The following ATP9B variants were observed in gnomAD, a reference collection of about 807,000 sequenced individuals.
The protein encoded by ATP9B is probable phospholipid-transporting ATPase IIB.
A neutral mutation model predicts 146.1 loss-of-function variants in ATP9B; 110 were observed. The ratio of observed to expected loss-of-function variants is 0.75; its 90% CI spans 0.65 to 0.88. The LOEUF (loss-of-function observed/expected upper bound fraction) is 0.88, where lower values mean the gene tolerates loss of function less well. Among genes scored for constraint, ATP9B ranks in the 40% least tolerant of loss-of-function variants. The pLI is 0.00. For missense variants in ATP9B, 1,499 were observed against 1,496.4 expected (o/e 1.00, Z -0.03); for synonymous variants, 604 against 569.7 (o/e 1.06, Z -0.86).
intron 7 of ATP9B, among the ~76,000 whole-genome samples, chr18:79,156,875 G>A (rs1408161934): frequency 2.0e-5 from 3 of 152,260 alleles, no homozygotes; most frequent in Admixed American, 6.5e-5. Flanking sequence ...ATCTCATAGT[G>A]CATTGCTTCA....
chr18:79,166,512 C>A (rs915335651), intron 7 of ATP9B, among the ~76,000 whole-genome samples: 4 of 152,178 alleles, frequency 2.6e-5, no homozygotes, highest in Non-Finnish European at 5.9e-5. Context: ...CACAGGCCTC[C>A]CTGTCAGCCT....
intron 1 of ATP9B, among the ~76,000 whole-genome samples, chr18:79,071,526 C>T (rs2146355478): frequency 6.6e-6 from 1 of 151,170 alleles, no homozygotes; most frequent in African/African-American, 2.4e-5. Flanking sequence ...GGACTATAGG[C>T]ACATACCACC....
intron 15 of ATP9B, among the ~76,000 whole-genome samples, chr18:79,320,561 A>T (rs747057172): frequency 3.3e-5 from 5 of 152,236 alleles, no homozygotes; most frequent in Non-Finnish European, 7.3e-5. Flanking sequence ...GTCAGTCTCC[A>T]TAACTGTGTC....
intron 13 of ATP9B, among the ~76,000 whole-genome samples, chr18:79,284,619 T>G (rs183072159): frequency 6.6e-6 from 1 of 152,178 alleles, no homozygotes; most frequent in African/African-American, 2.4e-5. Context: ...TCATTTTTTT[T>G]AATTTTTTTA....
At position 79,086,011 on chromosome 18, in the gene ATP9B, T is replaced by G. The variant is rs551674439; in HGVS notation, c.120-10465T>G. ...AATGAAACTTATTTTGCTGTGATGT[T>G]TCACAATTGAAAAGCCTTTTTTTTT... On this transcript the variant is annotated intron_variant, in intron 1 of 29. Transcript: ENST00000426216. 8.7e-5 allele frequency: 13 copies of G among 150,092 alleles called. No homozygotes were observed. The East Asian group carries it at 2.0e-3, about 24-fold the overall frequency. 9.3% of individuals were successfully genotyped at this position (150,092 alleles called of 1,614,324 possible).
chr18:79,300,143 G>A (rs1054297315), intron 13 of ATP9B, among the ~76,000 whole-genome samples: 1 of 152,222 alleles, frequency 6.6e-6, no homozygotes, highest in South Asian at 2.1e-4. Flanking sequence ...GTCAGGACGC[G>A]TGGTAAGAGG....
chr18:79,356,365 G>T (rs2096953181), intron 25 of ATP9B, among the ~76,000 whole-genome samples: 1 of 152,020 alleles, frequency 6.6e-6, no homozygotes, highest in African/African-American at 2.4e-5. Context: ...ACGCTCCTGG[G>T]CGTTTATACC....
chr18:79,101,383 AG>A (rs1437833786), intron 2 of ATP9B, among the ~76,000 whole-genome samples: 1 of 151,932 alleles, frequency 6.6e-6, no homozygotes, highest in Non-Finnish European at 1.5e-5. Flanking sequence ...TTGTTTTTTG[AG>A]GTTGGCCTAT....
At chr18:79,153,037 A>T (rs2094715853) in intron 6 of ATP9B, among the ~76,000 whole-genome samples, 2 of 152,086 alleles carry the variant, frequency 1.3e-5, no homozygotes. Context: ...CACATCTTTT[A>T]TTGGTTTCAT....
chr18:79,346,050 C>T (rs571583680), intron 23 of ATP9B, among the ~76,000 whole-genome samples: 8 of 152,046 alleles, frequency 5.3e-5, no homozygotes, highest in African/African-American at 9.6e-5. Flanking sequence ...ACTCGGTACA[C>T]GCTCGGTCGG....
chr18:79,169,907 T>C (rs1159461507), intron 7 of ATP9B, among the ~76,000 whole-genome samples: 5 of 152,208 alleles, frequency 3.3e-5, no homozygotes, highest in African/African-American at 1.2e-4. Context: ...ATTTTTTCAT[T>C]TTAACAGTAA....
chr18:79,126,985 A>G (rs2094298055), intron 5 of ATP9B, among the ~76,000 whole-genome samples: 1 of 152,244 alleles, frequency 6.6e-6, no homozygotes, highest in African/African-American at 2.4e-5. Context: ...ACAAGTAGGC[A>G]TAAGATAGTA....
chr18:79,311,516 A>C (rs928943687), intron 15 of ATP9B, among the ~76,000 whole-genome samples: 28 of 152,342 alleles, frequency 1.8e-4, no homozygotes, highest in Admixed American at 1.6e-3. Context: ...GCTAGACTTC[A>C]AGGAAAACAA....
chr18:79,307,069 T>A lies in ATP9B; in HGVS notation c.1608T>A (p.Ser536Arg). The A allele has an allele frequency of 6.2e-7, 1 of 1,614,206 alleles. No homozygotes were observed. The highest frequency in any genetic ancestry group is 8.5e-7 in the Non-Finnish European group (1 of 1,180,036). ...CTTCAGCTCCCAAAGTTAGGAAAAG[T>A]GTCAGTAGTCGAATCCATGAAGCCG... ...AQSSAPKVRK[S>R]VSSRIHEAVK... is the part of the protein sequence containing the mutation. Residue 536 changes from serine (S) to arginine (R), a missense_variant, in exon 15 of 30, where the codon AGT (serine) becomes AGA (arginine). Ser to Arg is a moderately radical substitution (Grantham distance 110, BLOSUM62 -1). Coordinates refer to ENST00000426216, the MANE Select transcript of ATP9B (RefSeq NM_198531.5).
At chr18:79,233,997 GAGGAGGAGGA>G (rs1178023430) in intron 11 of ATP9B, among the ~76,000 whole-genome samples, 3 of 152,174 alleles carry the variant, frequency 2.0e-5, no homozygotes, top group African/African-American at 7.2e-5. Context: ...GTAGGCTGAG[GAGGAGGAGGA>G]AGGAGGATTG....
chr18:79,076,830 T>C lies in ATP9B; in HGVS notation c.119+7301T>C, dbSNP rs1400547010. On this transcript the variant is annotated intron_variant, in intron 1 of 29. Coordinates refer to ENST00000426216, the MANE Select transcript of ATP9B (RefSeq NM_198531.5). ...GGGTCCTGAGTTTCTGCTCATTTTT[T>C]CTAAGTCCATTTCCTGTTCATATTG... Among the ~76,000 whole-genome samples, 9 of 152,332 alleles carry C rather than the reference T, an allele frequency of 5.9e-5. No homozygotes were observed. The East Asian group carries it at 1.7e-3, about 29-fold the overall frequency.
chr18:79,359,418 G>A lies in ATP9B; in HGVS notation c.2968G>A (p.Glu990Lys). 6.2e-7 allele frequency: 1 copy of A among 1,614,056 alleles called. No individual in the cohort carries two copies. The highest frequency in any genetic ancestry group is 1.1e-5 in the South Asian group (1 of 91,082). The change falls in exon 26 of 30, where the codon GAG (glutamate) becomes AAG (lysine). Residue 990 changes from glutamate to lysine, a missense_variant. By Grantham distance (56) the Glu-to-Lys change is moderately conservative. Coordinates refer to ENST00000426216, the MANE Select transcript of ATP9B (RefSeq NM_198531.5). ...SLVLDQDVKPEMAMLYPELYK... is the reference protein window; with the variant it reads ...SLVLDQDVKPKMAMLYPELYK... ...AGTGCTGGACCAGGACGTGAAGCCA[G>A]AGATGGCGATGCTCTACCCGGAGCT...
chr18:79,125,100 G>C lies in ATP9B; in HGVS notation c.559-1167G>C, dbSNP rs542441036. Reference sequence around the variant, plus strand: ...ACTTGAGAATAGTTTTAGTCAAGTGGTGGAAGGAAATTGTGGCAAGTGGAG... The same window carrying C: ...ACTTGAGAATAGTTTTAGTCAAGTGCTGGAAGGAAATTGTGGCAAGTGGAG... On this transcript the variant is annotated intron_variant, in intron 4 of 29. Transcript: ENST00000426216. Among the ~76,000 whole-genome samples the C allele has an allele frequency of 5.3e-5, 8 of 152,346 alleles. No individual in the cohort carries two copies. The South Asian group carries it at 1.5e-3, about 28-fold the overall frequency.
At chr18:79,074,806 T>C (rs1017150536) in intron 1 of ATP9B, among the ~76,000 whole-genome samples, 1 of 152,186 alleles carries the variant, frequency 6.6e-6, no homozygotes, top group Non-Finnish European at 1.5e-5. Context: ...GAGAAATGGG[T>C]CTGTGGCATT....
Sources: allele counts gnomAD v4.1 joint callset (sites outside exome capture counted in the v4.1 genomes callset), GRCh38; gene constraint gnomAD v4.1.1; transcripts MANE v1.5; gene names NCBI Gene and HGNC (gene_info 2026-07-23, HGNC 2026-07-21).